The following CFAP54 variants were observed in gnomAD, a reference collection of about 807,000 sequenced individuals.
The protein encoded by CFAP54 is cilia and flagella associated protein 54.
In CFAP54, 290 loss-of-function variants were observed where a neutral mutation model predicts 370.4. That is an observed-to-expected ratio of 0.78 (90% CI 0.71 to 0.86). The LOEUF (loss-of-function observed/expected upper bound fraction) is 0.86. CFAP54 is among the 40% of genes least tolerant of loss of function. The pLI is 0.00. For missense variants in CFAP54, 3,399 were observed against 3,528.7 expected (o/e 0.96, Z 0.93); for synonymous variants, 1,206 against 1,236.5 (o/e 0.98, Z 0.52).
In CFAP54 at chr12:96,651,650, C is replaced by G. The variant is rs758631889; in HGVS notation, c.4935C>G (p.Asn1645Lys). 46 of 1,614,038 alleles carry G rather than the reference C, an allele frequency of 2.8e-5. No homozygotes were observed. ...LLQNCCRALW[N>K]FTQELQILLK... ...AGAACTGCTGTCGGGCCTTATGGAA[C>G]TTTACTCAGGAACTACAAATACTTC... Residue 1645 changes from asparagine (N) to lysine (K), a missense_variant, in exon 36 of 68, where the codon AAC becomes AAG. Transcript: ENST00000524981.
intron 17 of CFAP54, among the ~76,000 whole-genome samples, chr12:96,564,060 G>A (rs186533045): frequency 2.0e-5 from 3 of 152,314 alleles, no homozygotes; most frequent in Non-Finnish European, 2.9e-5. Context: ...AGCTCTTAAA[G>A]GGACCTTGGA....
At chr12:96,504,951 T>TTTTCTTTC (rs748953509) in intron 3 of CFAP54, among the ~76,000 whole-genome samples, 4 of 142,464 alleles carry the variant, frequency 2.8e-5, no homozygotes, top group African/African-American at 4.9e-5. Context: ...CTTTCTTTCT[T>TTTTCTTTC]TTTCTTTCTT....
At chr12:96,506,082 G>C (rs1453218798) in intron 3 of CFAP54, among the ~76,000 whole-genome samples, 3 of 152,148 alleles carry the variant, frequency 2.0e-5, no homozygotes, top group Non-Finnish European at 4.4e-5. Flanking sequence ...GCTCACGCCT[G>C]TAATCCTAGC....
chr12:96,795,071 A>C (rs547601356), intron 63 of CFAP54, among the ~76,000 whole-genome samples: 11 of 152,312 alleles, frequency 7.2e-5, no homozygotes, highest in Admixed American at 1.3e-4. Context: ...GAGTGTCTGC[A>C]AAAAATCCTG....
In CFAP54 at chr12:96,786,915, CATG is replaced by C. The variant is rs1958635620; in HGVS notation, c.8679+20_8679+22del. On this transcript the variant is annotated intron_variant, in intron 62 of 67. Transcript: ENST00000524981. ...TCTGCCAAGGTAACGTTTTTTGAAACATGATATATTTACATAAAACTTCTTGGA... is the reference window on the plus strand; with the variant it reads ...TCTGCCAAGGTAACGTTTTTTGAAACATATATTTACATAAAACTTCTTGGA... The C allele has an allele frequency of 6.8e-7, 1 of 1,478,990 alleles. No individual in the cohort carries two copies. The highest frequency in any genetic ancestry group is 9.1e-7 in the Non-Finnish European group (1 of 1,103,716). The allele number at this position is 1,478,990 out of a possible 1,614,324, so 91.6% of individuals were successfully genotyped here. A position where few individuals can be genotyped will look rare whatever the true frequency, so the allele number is the denominator to read the frequency against.
chr12:96,824,281 G>T (rs1485813636), intron 65 of CFAP54, among the ~76,000 whole-genome samples: 2 of 152,094 alleles, frequency 1.3e-5, no homozygotes, highest in Admixed American at 6.5e-5. Flanking sequence ...ATGTGTATGC[G>T]GTTTACCTCA....
intron 24 of CFAP54, among the ~76,000 whole-genome samples, chr12:96,593,758 A>G (rs570304454): frequency 1.4e-3 from 218 of 152,138 alleles, no homozygotes; most frequent in African/African-American, 5.1e-3. Context: ...AAGGCTAACT[A>G]TTCTTTTTAA....
chr12:96,498,460 C>G (rs997376548), intron 1 of CFAP54, among the ~76,000 whole-genome samples: 19 of 152,226 alleles, frequency 1.2e-4, no homozygotes, highest in Admixed American at 1.2e-3. Flanking sequence ...TGAGACCATC[C>G]TGGTCAACAT....
At chr12:96,666,751 C>T (rs1296791068) in intron 39 of CFAP54, among the ~76,000 whole-genome samples, 1 of 152,132 alleles carries the variant, frequency 6.6e-6, no homozygotes, top group Admixed American at 6.5e-5. Context: ...ACAGCCAAAC[C>T]ATATCATTCT....
intron 45 of CFAP54, among the ~76,000 whole-genome samples, chr12:96,694,965 G>A (rs1035546000): frequency 1.1e-4 from 17 of 152,002 alleles, no homozygotes; most frequent in Non-Finnish European, 5.9e-5. Context: ...AGGTTGCAGT[G>A]AGCTGAGATT....
At chr12:96,825,547 A>G (rs1320354169) in intron 65 of CFAP54, among the ~76,000 whole-genome samples, 3 of 117,730 alleles carry the variant, frequency 2.5e-5, no homozygotes, top group Admixed American at 1.1e-4. Flanking sequence ...TATATATTAT[A>G]TATATTATAT....
chr12:96,573,652 T>A (rs917017139), intron 19 of CFAP54, among the ~76,000 whole-genome samples: 10 of 152,172 alleles, frequency 6.6e-5, no homozygotes, highest in Non-Finnish European at 1.2e-4. Flanking sequence ...TTATAATTTT[T>A]AAAAATTAGT....
intron 61 of CFAP54, 133 bp from the exon 62 acceptor site, chr12:96,786,542 G>T: frequency 1.5e-6 from 1 of 661,692 alleles, no homozygotes; most frequent in Non-Finnish European, 2.5e-6. Flanking sequence ...TCTAAAAACA[G>T]AGGGACGTCA....
chr12:96,631,988 T>C lies in CFAP54; in HGVS notation c.4316+1337T>C, dbSNP rs182146699. On this transcript the variant is annotated intron_variant, in intron 32 of 67. Coordinates refer to ENST00000524981, the MANE Select transcript of CFAP54 (RefSeq NM_001306084.2). ...TCAATGTTGTGAAAAATTTCTGTTA[T>C]TCAAGGTCTTCACCAACACTTGACA... 3.3e-5 allele frequency among the ~76,000 whole-genome samples: 5 copies of C among 151,832 alleles called. No homozygotes were observed. The East Asian group carries it at 7.7e-4, about 23-fold the overall frequency.
In CFAP54 at chr12:96,621,674, A is replaced by G. The variant is rs1956490666; in HGVS notation, c.3724A>G (p.Lys1242Glu). ...AATGTTGGACATCACACCAGGATGC[A>G]AGTCTCTGTTTGATGGTAGTAATGA... ...KKMLDITPGC[K>E]SLFDGSNEQE... Residue 1242 changes from lysine to glutamate, a missense_variant, in exon 27 of 68, where the codon AAG becomes GAG. By Grantham distance (56) the Lys-to-Glu change is moderately conservative. Around this residue, in one of 3 missense-constraint regions of CFAP54, gnomAD observed 2,796 missense variants for 2,869.7 expected, o/e 0.97. Transcript: ENST00000524981. 6.5e-7 allele frequency: 1 copy of G among 1,529,356 alleles called. No individual in the cohort carries two copies. Among genetic ancestry groups the G allele is most frequent in the Non-Finnish European group, 8.7e-7 (1 of 1,143,016 alleles). The allele number at this position is 1,529,356 out of a possible 1,614,324, so 94.7% of individuals were successfully genotyped here. A position where few individuals can be genotyped will look rare whatever the true frequency, so the allele number is the denominator to read the frequency against.
At chr12:96,701,615 A>T (rs1957492171) in intron 46 of CFAP54, among the ~76,000 whole-genome samples, 1 of 152,092 alleles carries the variant, frequency 6.6e-6, no homozygotes, top group Non-Finnish European at 1.5e-5. Flanking sequence ...TGGTTTGGAG[A>T]ATCTCTATAA....
At chr12:96,498,618 A>C (rs1478437016) in intron 1 of CFAP54, among the ~76,000 whole-genome samples, 1 of 152,220 alleles carries the variant, frequency 6.6e-6, no homozygotes, top group Non-Finnish European at 1.5e-5. Context: ...GCACCACTGC[A>C]CTCAAGCCTG....
chr12:96,580,925 A>G lies in CFAP54; in HGVS notation c.2895A>G (p.Pro965=), dbSNP rs1485229614. 7.8e-5 allele frequency: 117 copies of G among 1,499,244 alleles called. 1 individual carries two copies. In the East Asian group the frequency reaches 2.9e-3, roughly 37 times the overall value. The allele number at this position is 1,499,244 out of a possible 1,614,324, so 92.9% of individuals were successfully genotyped here. A position where few individuals can be genotyped will look rare whatever the true frequency, so the allele number is the denominator to read the frequency against. ...NHLPNSGEAI[P]ADGKSVFEVK... ...AAATATATTTTTCTTAATAGATACC[A>G]GCTGACGGTAAAAGTGTTTTTGAAG... Residue 965 remains proline, a synonymous_variant, in exon 22 of 68, where the codon CCA becomes CCG. Coordinates refer to ENST00000524981, the MANE Select transcript of CFAP54 (RefSeq NM_001306084.2).
At chr12:96,752,119 A>AGAGAGAGAGAGAGG (rs1958192554) in intron 55 of CFAP54, among the ~76,000 whole-genome samples, 1 of 150,316 alleles carries the variant, frequency 6.7e-6, no homozygotes, top group Non-Finnish European at 1.5e-5. Flanking sequence ...AGAGAGAGAG[A>AGAGAGAGAGAGAGG]GAGAGAGAGA....
Sources: allele counts gnomAD v4.1 joint callset (sites outside exome capture counted in the v4.1 genomes callset), GRCh38; gene constraint gnomAD v4.1.1; regional missense constraint gnomAD v4.1.1; transcripts MANE v1.5; gene names NCBI Gene and HGNC (gene_info 2026-07-23, HGNC 2026-07-21).